The following SCD5 variants were observed in gnomAD, a reference collection of about 807,000 sequenced individuals.
SCD5 encodes stearoyl-CoA desaturase 5.
A neutral mutation model predicts 30.4 loss-of-function variants in SCD5; 20 were observed. The ratio of observed to expected loss-of-function variants is 0.66; its 90% CI spans 0.46 to 0.96. The LOEUF is 0.96. Ranked by LOEUF, SCD5 falls within the 40% of genes least tolerant of loss-of-function variation. The pLI, the probability that SCD5 is intolerant of heterozygous loss-of-function variation, is 0.00. For missense variants in SCD5, 381 were observed against 443.3 expected (o/e 0.86, Z 1.26); for synonymous variants, 173 against 176.4 (o/e 0.98, Z 0.16).
rs936074162 is a variant in SCD5, at chr4:82,636,840, C to A, written c.570-17G>T. The stretch of plus-strand genomic sequence containing the variant: ...TTATAGTACCTACAGGGCAAGACAC[C>A]ATATCACCATGAGGACCCGCTGATG... On this transcript the variant is annotated splice_polypyrimidine_tract_variant and intron_variant, in intron 3 of 4. Coordinates refer to ENST00000319540, the MANE Select transcript of SCD5 (RefSeq NM_001037582.3). 1.3e-6 allele frequency: 2 copies of A among 1,587,812 alleles called. No individual in the cohort carries two copies. The highest frequency in any genetic ancestry group is 2.7e-5 in the African/African-American group (2 of 74,318).
chr4:82,784,958 A>C (rs1318856043), intron 1 of SCD5, among the ~76,000 whole-genome samples: 1 of 152,176 alleles, frequency 6.6e-6, no homozygotes, highest in Non-Finnish European at 1.5e-5. Flanking sequence ...TCAACATTTT[A>C]ACAACTAGTA....
chr4:82,774,492 T>C (rs567812276), intron 1 of SCD5, among the ~76,000 whole-genome samples: 11 of 152,312 alleles, frequency 7.2e-5, no homozygotes, highest in African/African-American at 2.6e-4. Context: ...GAGATACAAG[T>C]AACTTTTTTG....
At chr4:82,724,373 T>G (rs941980603) in intron 1 of SCD5, among the ~76,000 whole-genome samples, 11 of 152,258 alleles carry the variant, frequency 7.2e-5, no homozygotes, top group African/African-American at 2.6e-4. Flanking sequence ...TCCCAGCAAT[T>G]TGGGAGGCTG....
chr4:82,732,356 C>T (rs1014059003), intron 1 of SCD5, among the ~76,000 whole-genome samples: 1 of 152,212 alleles, frequency 6.6e-6, no homozygotes, highest in Non-Finnish European at 1.5e-5. Context: ...TCCCAAAGTG[C>T]TTGGATTACA....
At chr4:82,640,279 C>T (rs938222141) in intron 3 of SCD5, among the ~76,000 whole-genome samples, 4 of 152,184 alleles carry the variant, frequency 2.6e-5, no homozygotes, top group Non-Finnish European at 5.9e-5. Context: ...TCCCTGTGGA[C>T]GGACAGCACT....
In SCD5 at chr4:82,699,821, C is replaced by A. The variant is rs1205728392; in HGVS notation, c.363+5462G>T. Among the ~76,000 whole-genome samples the A allele has an allele frequency of 2.6e-5, 4 of 152,160 alleles. No homozygotes were observed. The East Asian group carries it at 7.8e-4, about 30-fold the overall frequency. On this transcript the variant is annotated intron_variant, in intron 2 of 4. Coordinates refer to ENST00000319540, the MANE Select transcript of SCD5 (RefSeq NM_001037582.3). ...GGACTACAGGTGCACGCCACCACGC[C>A]TGGCTAATTTTTGTATTTTTAGTAG...
intron 3 of SCD5, among the ~76,000 whole-genome samples, chr4:82,664,999 CTATATATA>C (rs70964800): frequency 8.5e-5 from 6 of 70,486 alleles, no homozygotes; most frequent in African/African-American, 4.5e-4. Context: ...CTCTCTCTCT[CTATATATA>C]TATATATATA....
rs558778427 is a variant in SCD5 at position 82,726,556 on chromosome 4, C to CAG, written c.233-21144_233-21143insCT. On this transcript the variant is annotated intron_variant, in intron 1 of 4. Transcript: ENST00000319540. ...TTCACTCTGCTTGTTAAGAAAGCAG[C>CAG]TGTTTTTTTTTTTTTAAATAGAGAC... Among the ~76,000 whole-genome samples, 848 of 129,284 alleles carry CAG rather than the reference C, an allele frequency of 6.6e-3. 12 individuals carry two copies. The highest frequency in any genetic ancestry group is 0.03 in the African/African-American group (816 of 27,572). The allele number at this position is 129,284 out of a possible 152,430, so 84.8% of individuals were successfully genotyped here.
chr4:82,737,979 T>C (rs1180380012), intron 1 of SCD5, among the ~76,000 whole-genome samples: 1 of 149,564 alleles, frequency 6.7e-6, no homozygotes, highest in Non-Finnish European at 1.5e-5. Flanking sequence ...ATCCACTATC[T>C]AGAACTATAT....
At chr4:82,744,555 G>GCTGC (rs1720945531) in intron 1 of SCD5, among the ~76,000 whole-genome samples, 1 of 152,170 alleles carries the variant, frequency 6.6e-6, no homozygotes, top group African/African-American at 2.4e-5. Flanking sequence ...CTTCATGCTG[G>GCTGC]CTGCCTGCCT....
chr4:82,789,169 C>T (rs747796819), intron 1 of SCD5, among the ~76,000 whole-genome samples: 7 of 152,192 alleles, frequency 4.6e-5, no homozygotes, highest in Non-Finnish European at 7.4e-5. Context: ...GCTATTTTTC[C>T]TCAGCTCTAT....
At chr4:82,725,445 C>T (rs1720448966) in intron 1 of SCD5, among the ~76,000 whole-genome samples, 1 of 152,232 alleles carries the variant, frequency 6.6e-6, no homozygotes, top group South Asian at 2.1e-4. Flanking sequence ...GCACCTTCCA[C>T]TTGTCTCACC....
At chr4:82,764,913 G>A (rs1399414602) in intron 1 of SCD5, among the ~76,000 whole-genome samples, 2 of 152,044 alleles carry the variant, frequency 1.3e-5, no homozygotes, top group African/African-American at 2.4e-5. Flanking sequence ...TTTTAGAAGA[G>A]ACAGTGTTTC....
intron 1 of SCD5, among the ~76,000 whole-genome samples, chr4:82,727,946 G>T (rs1404898657): frequency 6.6e-6 from 1 of 152,102 alleles, no homozygotes; most frequent in Non-Finnish European, 1.5e-5. Context: ...GACCTCAAGT[G>T]ATCTGCCCGC....
chr4:82,708,085 G>C (rs549343314), intron 1 of SCD5, among the ~76,000 whole-genome samples: 11 of 152,214 alleles, frequency 7.2e-5, no homozygotes, highest in African/African-American at 2.6e-4. Context: ...CATGGGGTAG[G>C]GGGTGGAGGA....
intron 1 of SCD5, among the ~76,000 whole-genome samples, chr4:82,718,537 G>A (rs1720282573): frequency 6.6e-6 from 1 of 151,714 alleles, no homozygotes; most frequent in South Asian, 2.1e-4. Context: ...ATTTGGCAGC[G>A]AGGTGTACTT....
Position 82,712,273 on chromosome 4 carries a change from TATATATATATATATATATATATA to T in SCD5, c.233-6883_233-6861del, listed in dbSNP as rs1560540774. On this transcript the variant is annotated intron_variant, in intron 1 of 4. Transcript: ENST00000319540. ...ATATATATATATATATATATATATA[TATATATATATATATATATATATA>T]TTTTATTTTTATTTTATTTTTTTTT... is the stretch of plus-strand genomic sequence containing the variant. 4.6e-4 allele frequency among the ~76,000 whole-genome samples: 23 copies of T among 50,038 alleles called. 1 individual carries two copies. Among genetic ancestry groups the T allele is most frequent in the African/African-American group, 2.8e-3 (21 of 7,628 alleles). The allele number at this position is 50,038 out of a possible 152,430, so 32.8% of individuals were successfully genotyped here. A position where few individuals can be genotyped will look rare whatever the true frequency, so the allele number is the denominator to read the frequency against.
Position 82,659,623 on chromosome 4 carries a change from C to T in SCD5, c.569+21084G>A, listed in dbSNP as rs181712000. Among the ~76,000 whole-genome samples, 7 of 152,190 alleles carry T rather than the reference C, an allele frequency of 4.6e-5. No individual in the cohort carries two copies. The East Asian group carries it at 1.4e-3, about 29-fold the overall frequency. Reference sequence around the variant, plus strand: ...CATTCAGGAGCAGGTTGTTCAGTTTCCAGGTGGTTGTGCGGTTTTGAGTGA... The same window carrying T: ...CATTCAGGAGCAGGTTGTTCAGTTTTCAGGTGGTTGTGCGGTTTTGAGTGA... On this transcript the variant is annotated intron_variant, in intron 3 of 4. Transcript: ENST00000319540.
At chr4:82,691,010 TTTTG>T (rs547029533) in intron 2 of SCD5, among the ~76,000 whole-genome samples, 3,524 of 145,342 alleles carry the variant, frequency 0.024, 54 homozygotes, top group Middle Eastern at 0.074. Context: ...CCATTTGTTT[TTTTG>T]TTTGTTTGTT....
Sources: allele counts gnomAD v4.1 joint callset (sites outside exome capture counted in the v4.1 genomes callset), GRCh38; gene constraint gnomAD v4.1.1; transcripts MANE v1.5; gene names NCBI Gene and HGNC (gene_info 2026-07-23, HGNC 2026-07-21).